Variants in NFIC observed in about 807,000 individuals in gnomAD.
The protein encoded by NFIC is nuclear factor 1 C-type.
Under a neutral mutation model 54.4 loss-of-function variants are expected in NFIC, and 12 were observed. The observed-to-expected ratio is 0.22, with a 90% CI of 0.14 to 0.36. The LOEUF (loss-of-function observed/expected upper bound fraction) is 0.36. Ranked by LOEUF, NFIC falls within the 10% of genes least tolerant of loss-of-function variation. The pLI is 1.00. For missense variants in NFIC, 575 were observed against 718.2 expected (o/e 0.80, Z 2.28); for synonymous variants, 322 against 319.2 (o/e 1.01, Z -0.09).
intron 1 of NFIC, 85 bp downstream of exon 1, chr19:3,366,751 C>T (rs1471723794): frequency 2.0e-6 from 2 of 999,592 alleles, no homozygotes; most frequent in African/African-American, 1.7e-5. Context: ...GGAGGCGGGA[C>T]GAAAAAGGCG....
At chr19:3,382,512 A>T (rs1244545760) in intron 2 of NFIC, among the ~76,000 whole-genome samples, 1 of 151,760 alleles carries the variant, frequency 6.6e-6, no homozygotes, top group East Asian at 1.9e-4. Context: ...ATATGGCACA[A>T]GGAGAGTCTG....
chr19:3,467,790 A>ATATATATATATATATATATATATAT lies in NFIC; in HGVS notation c.*5022_*5023insATATATATATATATATATATATATT, dbSNP rs1555685990. On this transcript the variant is annotated 3_prime_UTR_variant, in exon 11 of 11. Transcript: ENST00000443272. ...ATATATATATATATATATATATATA[A>ATATATATATATATATATATATATAT]TTTTGGAATTTGTTTCTCATAATAC... 2 of 45,124 alleles carry ATATATATATATATATATATATATAT rather than the reference A, an allele frequency of 4.4e-5. No individual in the cohort carries two copies. The highest frequency in any genetic ancestry group is 1.4e-4 in the African/African-American group (1 of 7,138). The allele number at this position is 45,124 out of a possible 1,614,324, so 2.8% of individuals were successfully genotyped here.
At chr19:3,443,510 G>A (rs2082324820) in intron 6 of NFIC, among the ~76,000 whole-genome samples, 1 of 152,020 alleles carries the variant, frequency 6.6e-6, no homozygotes, top group African/African-American at 2.4e-5. Flanking sequence ...TAAACCAGGG[G>A]GACCCCCAGC....
chr19:3,426,016 C>A (rs1160201275), intron 3 of NFIC, among the ~76,000 whole-genome samples: 1 of 135,350 alleles, frequency 7.4e-6, no homozygotes. Context: ...CTCACTGCAT[C>A]CTCCATCTCC....
intron 2 of NFIC, among the ~76,000 whole-genome samples, chr19:3,414,563 C>G (rs1167046600): frequency 6.6e-6 from 1 of 151,444 alleles, no homozygotes; most frequent in Non-Finnish European, 1.5e-5. Flanking sequence ...TCACCGCACT[C>G]CAGTCTGGGA....
chr19:3,386,184 C>G (rs890303067), intron 2 of NFIC, among the ~76,000 whole-genome samples: 1 of 151,866 alleles, frequency 6.6e-6, no homozygotes. Flanking sequence ...CTCAGGCATT[C>G]GAGACCAGCC....
At position 3,440,315 on chromosome 19, in the gene NFIC, CA is replaced by C. The variant is rs531027208; in HGVS notation, c.958+5109del. On this transcript the variant is annotated intron_variant, in intron 6 of 10. Coordinates refer to ENST00000443272, the MANE Select transcript of NFIC (RefSeq NM_001245002.2). ...CAGTGGTGACAACCGTAAATGTCCC[CA>C]GACCTGGCCAAATGTCTCTTGCGGG... 5.4e-3 allele frequency among the ~76,000 whole-genome samples: 819 copies of C among 152,226 alleles called. 8 individuals carry two copies. The highest frequency in any genetic ancestry group is 0.019 in the African/African-American group (787 of 41,526).
chr19:3,411,933 A>G (rs2081769442), intron 2 of NFIC, among the ~76,000 whole-genome samples: 1 of 152,224 alleles, frequency 6.6e-6, no homozygotes, highest in Admixed American at 6.5e-5. Flanking sequence ...GCTGTTGTAC[A>G]TCATGTCTTT....
chr19:3,359,636 C>T, upstream of NFIC: 4 of 1,341,752 alleles, frequency 3.0e-6, no homozygotes, highest in Non-Finnish European at 3.9e-6. Context: ...CGCCGGGGAC[C>T]GAGCGCGCTC....
intron 1 of NFIC, 100 bp downstream of exon 1, chr19:3,366,766 T>A (rs2145421173): frequency 2.4e-6 from 2 of 831,446 alleles, no homozygotes; most frequent in East Asian, 3.4e-5. Context: ...AAGGCGCGCG[T>A]CCCTCCCGCC....
intron 2 of NFIC, among the ~76,000 whole-genome samples, chr19:3,404,282 C>T (rs1320681752): frequency 1.3e-5 from 2 of 151,976 alleles, no homozygotes; most frequent in African/African-American, 2.4e-5. Flanking sequence ...CTCCCCCCCA[C>T]CCCGGGTGGC....
At chr19:3,433,328 C>T (rs1166264799) in intron 3 of NFIC, among the ~76,000 whole-genome samples, 190 bp from the exon 4 acceptor site, 3 of 152,334 alleles carry the variant, frequency 2.0e-5, no homozygotes, top group Middle Eastern at 3.4e-3. Flanking sequence ...TGTGTGAAGG[C>T]CCACACTGGA....
At chr19:3,398,019 C>T (rs1437104375) in intron 2 of NFIC, among the ~76,000 whole-genome samples, 1 of 152,016 alleles carries the variant, frequency 6.6e-6, no homozygotes, top group Non-Finnish European at 1.5e-5. Context: ...CTTGGTGCCA[C>T]CCCTGTGGGT....
At chr19:3,359,976 C>A (rs1038755713) in intron 1 of NFIC, among the ~76,000 whole-genome samples, 3 of 150,238 alleles carry the variant, frequency 2.0e-5, no homozygotes, top group African/African-American at 7.3e-5. Context: ...CCGGAGAAGG[C>A]CCCCGCAACC....
intron 5 of NFIC, 72 bp from the exon 6 acceptor site, chr19:3,435,011 C>T: frequency 2.0e-6 from 3 of 1,477,432 alleles, no homozygotes; most frequent in East Asian, 2.6e-5. Flanking sequence ...CCGGAAGTAG[C>T]AAAGCCCGCC....
chr19:3,461,535 C>T (rs1432832276), intron 10 of NFIC, among the ~76,000 whole-genome samples: 1 of 150,880 alleles, frequency 6.6e-6, no homozygotes, highest in Non-Finnish European at 1.5e-5. Flanking sequence ...CCAGCCCGGC[C>T]AACATGGCGA....
At chr19:3,426,991 A>G (rs1458645413) in intron 3 of NFIC, among the ~76,000 whole-genome samples, 2 of 149,904 alleles carry the variant, frequency 1.3e-5, no homozygotes, top group African/African-American at 4.9e-5. Context: ...CAATGGCGCA[A>G]TCTCGGCTCA....
intron 2 of NFIC, among the ~76,000 whole-genome samples, chr19:3,407,466 C>T (rs982270985): frequency 7.3e-5 from 11 of 150,558 alleles, no homozygotes; most frequent in Admixed American, 1.3e-4. Flanking sequence ...GATGGAGTCT[C>T]GCTCTGTCAC....
intron 3 of NFIC, among the ~76,000 whole-genome samples, chr19:3,429,136 TACACACACACACAC>T (rs57006287): frequency 2.4e-5 from 2 of 83,874 alleles, no homozygotes; most frequent in African/African-American, 4.9e-5. Context: ...AAAAAAAATA[TACACACACACACAC>T]ACACACACAC....
Sources: allele counts gnomAD v4.1 joint callset (sites outside exome capture counted in the v4.1 genomes callset), GRCh38; gene constraint gnomAD v4.1.1; transcripts MANE v1.5; gene names NCBI Gene and HGNC (gene_info 2026-07-23, HGNC 2026-07-21).